KPNA6: variants seen among roughly 807,000 people sequenced by gnomAD.
The protein encoded by KPNA6 is karyopherin subunit alpha 6, also known as importin subunit alpha-7.
Under a neutral mutation model 72.0 loss-of-function variants are expected in KPNA6, and 9 were observed. That is an observed-to-expected ratio of 0.13 (90% CI 0.08 to 0.22). KPNA6 has a LOEUF of 0.22. Among genes scored for constraint, KPNA6 ranks in the 10% least tolerant of loss-of-function variants. The pLI is 1.00. For synonymous variants in KPNA6, 219 were observed against 242.1 expected (o/e 0.90, Z 0.89); for missense variants, 374 against 655.7 (o/e 0.57, Z 4.69).
At chr1:32,148,713 C>G (rs565706468) in intron 1 of KPNA6, among the ~76,000 whole-genome samples, 2 of 151,734 alleles carry the variant, frequency 1.3e-5, no homozygotes, top group African/African-American at 4.8e-5. Flanking sequence ...CACGCCACCA[C>G]GCCTGGGTAT....
rs56225633 is a variant in KPNA6, at chr1:32,171,058, C to T, written c.*164C>T. 2.2e-5 allele frequency: 14 copies of T among 628,704 alleles called. No individual in the cohort carries two copies. Among genetic ancestry groups the T allele is most frequent in the Middle Eastern group, 4.4e-4 (1 of 2,290 alleles). 38.9% of individuals were successfully genotyped at this position (628,704 alleles called of 1,614,324 possible). On this transcript the variant is annotated 3_prime_UTR_variant, in exon 14 of 14. Transcript: ENST00000373625. ...GCTCCGCCCCCTTCCCTGGAGGGAG[C>T]ACCCTCTGGACAGACAGAACCATCT...
intron 1 of KPNA6, among the ~76,000 whole-genome samples, chr1:32,135,505 T>G (rs1362917281): frequency 6.6e-6 from 1 of 151,738 alleles, no homozygotes; most frequent in Non-Finnish European, 1.5e-5. Context: ...GCCATTTTTT[T>G]TTTTTTTTTT....
intron 9 of KPNA6, among the ~76,000 whole-genome samples, chr1:32,163,009 C>T: frequency 6.6e-6 from 1 of 151,100 alleles, no homozygotes; most frequent in African/African-American, 2.4e-5. Flanking sequence ...GAGGCTGAGG[C>T]AGGAGAATGG....
rs1339671890 is a variant in KPNA6, at chr1:32,172,248, C to T, written c.*1354C>T. On this transcript the variant is annotated 3_prime_UTR_variant, in exon 14 of 14. Transcript: ENST00000373625. ...TGGACCACCACCTGGGACCAACCTT[C>T]AGCTCTGGAACCTTCATAAAGCAGG... 1 of 152,108 alleles carries T rather than the reference C, an allele frequency of 6.6e-6. No individual in the cohort carries two copies. Among genetic ancestry groups the T allele is most frequent in the Non-Finnish European group, 1.5e-5 (1 of 68,032 alleles). 9.4% of individuals were successfully genotyped at this position (152,108 alleles called of 1,614,324 possible). A position where few individuals can be genotyped will look rare whatever the true frequency, so the allele number is the denominator to read the frequency against.
intron 1 of KPNA6, among the ~76,000 whole-genome samples, chr1:32,138,707 T>C (rs1011201804): frequency 4.6e-5 from 7 of 151,078 alleles, no homozygotes; most frequent in African/African-American, 1.7e-4. Context: ...ACTTGAAGAG[T>C]GGTTGGAAGG....
chr1:32,153,074 C>T (rs866485033), intron 1 of KPNA6, among the ~76,000 whole-genome samples: 2 of 138,166 alleles, frequency 1.4e-5, no homozygotes, highest in South Asian at 4.7e-4. Flanking sequence ...AGATATACAA[C>T]TTAAATTAGA....
At position 32,128,418 on chromosome 1, in the gene KPNA6, TATATATATAC is replaced by T. The variant is rs1162438568; in HGVS notation, c.4+20286_4+20295del. On this transcript the variant is annotated intron_variant, in intron 1 of 13. Transcript: ENST00000373625. ...ATATATATATATATATATATATATA[TATATATATAC>T]ACACACACACACATATATATATACA... 2.2e-3 allele frequency among the ~76,000 whole-genome samples: 273 copies of T among 124,228 alleles called. 2 individuals carry two copies. The highest frequency in any genetic ancestry group is 8.8e-3 in the African/African-American group (255 of 28,908). The allele number at this position is 124,228 out of a possible 152,430, so 81.5% of individuals were successfully genotyped here.
intron 1 of KPNA6, among the ~76,000 whole-genome samples, chr1:32,110,766 G>A (rs755757031): frequency 2.0e-5 from 3 of 152,122 alleles, no homozygotes; most frequent in South Asian, 2.1e-4. Flanking sequence ...GTATGGTGGC[G>A]TGCTCCTGTA....
chr1:32,125,450 CTT>C (rs2124530031), intron 1 of KPNA6, among the ~76,000 whole-genome samples: 1 of 152,308 alleles, frequency 6.6e-6, no homozygotes, highest in Admixed American at 6.5e-5. Flanking sequence ...CAGGCCATCT[CTT>C]GCCATATCGA....
intron 1 of KPNA6, among the ~76,000 whole-genome samples, chr1:32,148,863 C>CT (rs1557474771): frequency 1.3e-5 from 2 of 150,768 alleles, no homozygotes; most frequent in Non-Finnish European, 2.9e-5. Flanking sequence ...GGCCCCCCTA[C>CT]TTTTTTTTCA....
rs1309494801 is a variant in KPNA6 at position 32,162,144 on chromosome 1, A to G, written c.747+98A>G. 7.7e-6 allele frequency: 8 copies of G among 1,034,732 alleles called. No homozygotes were observed. In the East Asian group the frequency reaches 1.7e-4, roughly 22 times the overall value. 64.1% of individuals were successfully genotyped at this position (1,034,732 alleles called of 1,614,324 possible). A position where few individuals can be genotyped will look rare whatever the true frequency, so the allele number is the denominator to read the frequency against. On this transcript the variant is annotated intron_variant, in intron 8 of 13. Coordinates refer to ENST00000373625, the MANE Select transcript of KPNA6 (RefSeq NM_012316.5). ...CTCCTTGGAGTCTCAAATCATGGGA[A>G]ACTGAAAGAAGCAATTGTTAGTGAA...
chr1:32,133,367 A>G (rs1641674726), intron 1 of KPNA6, among the ~76,000 whole-genome samples: 1 of 151,726 alleles, frequency 6.6e-6, no homozygotes, highest in Non-Finnish European at 1.5e-5. Context: ...TGTGGAGGTT[A>G]GAAAGCAGTA....
At chr1:32,138,332 A>C (rs191478753) in intron 1 of KPNA6, among the ~76,000 whole-genome samples, 2 of 151,138 alleles carry the variant, frequency 1.3e-5, no homozygotes, top group Non-Finnish European at 3.0e-5. Flanking sequence ...ATCATCTGAG[A>C]TCAGGAGTCG....
At position 32,147,650 on chromosome 1, in the gene KPNA6, C is replaced by CTTTTTT. The variant is rs915571659; in HGVS notation, c.5-6916_5-6911dup. Among the ~76,000 whole-genome samples the CTTTTTT allele has an allele frequency of 8.9e-4, 73 of 81,872 alleles. 2 individuals carry two copies. Among genetic ancestry groups the CTTTTTT allele is most frequent in the Admixed American group, 2.0e-3 (13 of 6,506 alleles). 53.7% of individuals were successfully genotyped at this position (81,872 alleles called of 152,430 possible). Reference sequence around the variant, plus strand: ...CCTTCTGACTTTCGTGATTTCTTTTCTTTTTTTTTTTTTTTTTTTTTTTTT... The same window carrying CTTTTTT: ...CCTTCTGACTTTCGTGATTTCTTTTCTTTTTTTTTTTTTTTTTTTTTTTTTTTTTTT... On this transcript the variant is annotated intron_variant, in intron 1 of 13. Transcript: ENST00000373625.
At chr1:32,166,878 C>G (rs539150286) in intron 11 of KPNA6, among the ~76,000 whole-genome samples, 1 of 152,002 alleles carries the variant, frequency 6.6e-6, no homozygotes, top group South Asian at 2.1e-4. Flanking sequence ...GTGGAGCTTG[C>G]AGTGAGCCGA....
chr1:32,126,043 TTTTGTTTG>T (rs578144508), intron 1 of KPNA6, among the ~76,000 whole-genome samples: 91 of 151,814 alleles, frequency 6.0e-4, no homozygotes, highest in African/African-American at 1.8e-3. Flanking sequence ...TTTCTTTTTA[TTTTGTTTG>T]TTTGTTTGTT....
chr1:32,127,579 A>C (rs554202512), intron 1 of KPNA6, among the ~76,000 whole-genome samples: 1 of 152,348 alleles, frequency 6.6e-6, no homozygotes, highest in South Asian at 2.1e-4. Flanking sequence ...AATTCAGCTG[A>C]CAGACAATGC....
chr1:32,111,319 CTTAAGAAG>C (rs1451723213), intron 1 of KPNA6, among the ~76,000 whole-genome samples: 1 of 152,130 alleles, frequency 6.6e-6, no homozygotes, highest in Non-Finnish European at 1.5e-5. Flanking sequence ...ATCTATAAGA[CTTAAGAAG>C]TTAAGAAATA....
rs1167325052 is a variant in KPNA6 at position 32,119,032 on chromosome 1, A to ATATATTTT, written c.4+10899_4+10900insATATTTTT. On this transcript the variant is annotated intron_variant, in intron 1 of 13. Transcript: ENST00000373625. The stretch of plus-strand genomic sequence containing the variant: ...TATATATATATATATATATATATAT[A>ATATATTTT]TTTTTTTTTTTTTTTTTGAGAGAGA... Among the ~76,000 whole-genome samples the ATATATTTT allele has an allele frequency of 2.3e-3, 91 of 40,248 alleles. 1 individual carries two copies. The highest frequency in any genetic ancestry group is 3.2e-3 in the Non-Finnish European group (79 of 24,420). 26.4% of individuals were successfully genotyped at this position (40,248 alleles called of 152,430 possible).
Sources: gnomAD v4.1 joint callset for allele counts (sites outside exome capture counted in the v4.1 genomes callset) on GRCh38, gnomAD v4.1.1 for gene constraint, MANE v1.5 for transcripts, NCBI Gene and HGNC (gene_info 2026-07-23, HGNC 2026-07-21) for gene names.